SHOX: variants seen among roughly 807,000 people sequenced by gnomAD.
SHOX encodes the protein short stature homeobox protein.
SHOX carries 12 observed loss-of-function variants against 29.6 expected under a neutral mutation model. The ratio of observed to expected loss-of-function variants is 0.41; its 90% CI spans 0.26 to 0.66. The LOEUF (loss-of-function observed/expected upper bound fraction) is 0.66. SHOX is among the 30% of genes least tolerant of loss of function. The probability of loss-of-function intolerance (pLI) is 0.35; values close to 1 mark genes in which losing one functional copy is unlikely to be tolerated. For missense variants in SHOX, 499 were observed against 437.7 expected (o/e 1.14, Z -1.25); for synonymous variants, 214 against 200.6 (o/e 1.07, Z -0.57).
chrX:642,434 G>C (rs997930965), intron 4 of SHOX, among the ~76,000 whole-genome samples: 1 of 152,076 alleles, frequency 6.6e-6, no homozygotes, highest in African/African-American at 2.4e-5. Context: ...GCGGTGGGGA[G>C]CGCGGAAGGT....
chrX:631,146 A>C lies in SHOX; in HGVS notation c.249A>C (p.Lys83Asn). 6.2e-7 allele frequency: 1 copy of C among 1,613,262 alleles called. No homozygotes were observed. The highest frequency in any genetic ancestry group is 8.5e-7 in the Non-Finnish European group (1 of 1,179,854). The change falls in exon 1 of 5, where the codon AAA (lysine) becomes AAC (asparagine). Residue 83 changes from lysine (K) to asparagine (N), a missense_variant. Lys to Asn is a moderately conservative substitution (Grantham distance 94, BLOSUM62 0). Transcript: ENST00000686671. ...TAGACAATGACAAGGAGAAACTGAA[A>C]GAATTCGGCACCGCGAGAGTGGCAG... Reference protein sequence around the residue: ...DHVDNDKEKLKEFGTARVAEG... With the variant: ...DHVDNDKEKLNEFGTARVAEG...
In SHOX at chrX:650,290, G is replaced by C. The variant is rs2053034804; in HGVS notation, c.*5654G>C. On this transcript the variant is annotated 3_prime_UTR_variant, in exon 5 of 5. Transcript: ENST00000686671. ...TCTCCCGTACGGGAAGGAGGCCTTT[G>C]GGCCGCTCCAAAGACGCCCTGTCGT... Among the ~76,000 whole-genome samples, 1 of 152,154 alleles carries C rather than the reference G, an allele frequency of 6.6e-6. No individual in the cohort carries two copies. The highest frequency in any genetic ancestry group is 1.5e-5 in the Non-Finnish European group (1 of 68,034).
chrX:644,936 T>C lies in SHOX; in HGVS notation c.*300T>C. 1 of 413,868 alleles carries C rather than the reference T, an allele frequency of 2.4e-6. No individual in the cohort carries two copies. Among genetic ancestry groups the C allele is most frequent in the Non-Finnish European group, 4.2e-6 (1 of 236,198 alleles). 25.6% of individuals were successfully genotyped at this position (413,868 alleles called of 1,614,324 possible). On this transcript the variant is annotated 3_prime_UTR_variant, in exon 5 of 5. Coordinates refer to ENST00000686671, the MANE Select transcript of SHOX (RefSeq NM_000451.4). Reference sequence around the variant, plus strand: ...CCCTGGAGAAGGGTAAACCCCCGCCTGGCTGCGTCTTCCTCTGCTATACCC... The same window carrying C: ...CCCTGGAGAAGGGTAAACCCCCGCCCGGCTGCGTCTTCCTCTGCTATACCC...
intron 2 of SHOX, among the ~76,000 whole-genome samples, chrX:635,379 G>T (rs1034839418): frequency 3.9e-5 from 6 of 152,144 alleles, no homozygotes; most frequent in Admixed American, 6.5e-5. Context: ...GTTTCCTTAG[G>T]ATGAAAGGAG....
At chrX:625,667 TC>T (rs2052514768) in intron 1 of SHOX, among the ~76,000 whole-genome samples, 1 of 139,676 alleles carries the variant, frequency 7.2e-6, no homozygotes, top group African/African-American at 2.6e-5. Flanking sequence ...CTGTCTTCGT[TC>T]CTCTCTCTCT....
chrX:640,938 T>G, intron 3 of SHOX, 60 bp downstream of exon 3: 1 of 1,612,938 alleles, frequency 6.2e-7, no homozygotes, highest in Non-Finnish European at 8.5e-7. Context: ...AGGGATGGGG[T>G]CGACGAGGTG....
chrX:659,180 G>C (rs1163456481), exon 6 of SHOX: 2 of 151,270 alleles, frequency 1.3e-5, no homozygotes, highest in East Asian at 3.9e-4. Flanking sequence ...CAAACTCCTG[G>C]GCTCAAGCAA....
At chrX:643,054 T>G (rs2052887157) in intron 4 of SHOX, among the ~76,000 whole-genome samples, 1 of 141,630 alleles carries the variant, frequency 7.1e-6, no homozygotes, top group Non-Finnish European at 1.5e-5. Context: ...GGGAGGGCCT[T>G]GGGGATCTGG....
At chrX:633,987 GGTGCCCGACCGCGT>G in intron 1 of SHOX, among the ~76,000 whole-genome samples, 1 of 152,224 alleles carries the variant, frequency 6.6e-6, no homozygotes, top group Non-Finnish European at 1.5e-5. Context: ...TGGTGGGGTA[GGTGCCCGACCGCGT>G]GTGAAAAAGT....
At chrX:634,051 G>T in intron 1 of SHOX, among the ~76,000 whole-genome samples, 4 of 152,346 alleles carry the variant, frequency 2.6e-5, no homozygotes, top group Admixed American at 2.6e-4. Flanking sequence ...CAGCCCCCAG[G>T]CGCGGTGGCG....
intron 1 of SHOX, chrX:631,983 G>A (rs919223140): frequency 5.3e-5 from 24 of 455,994 alleles, no homozygotes; most frequent in African/African-American, 4.6e-4. Flanking sequence ...ACTCGAGGCT[G>A]CGTGGTAGGA....
downstream of SHOX, among the ~76,000 whole-genome samples, chrX:655,325 T>C (rs1158180404): frequency 6.6e-6 from 1 of 151,666 alleles, no homozygotes; most frequent in African/African-American, 2.4e-5. Context: ...GCCAGGATGG[T>C]CTTGATCTCT....
At chrX:635,857 GGAGAGAGA>G (rs369333132) in intron 2 of SHOX, among the ~76,000 whole-genome samples, 21 of 146,240 alleles carry the variant, frequency 1.4e-4, no homozygotes, top group South Asian at 4.5e-4. Flanking sequence ...GTGGGGGGAG[GGAGAGAGA>G]GAGAGAGAGA....
At chrX:630,031 G>A (rs1013132811), upstream of SHOX, among the ~76,000 whole-genome samples, 22 of 152,210 alleles carry the variant, frequency 1.4e-4, no homozygotes, top group Non-Finnish European at 2.9e-4. Flanking sequence ...TGGCGCGGGC[G>A]GAAAGAATAT....
chrX:633,277 C>T (rs965167339), intron 1 of SHOX, among the ~76,000 whole-genome samples: 8 of 152,100 alleles, frequency 5.3e-5, no homozygotes, highest in African/African-American at 1.9e-4. Flanking sequence ...TGTTTGAGGA[C>T]TTTGAAGACC....
At chrX:638,798 C>G (rs1358212275) in intron 2 of SHOX, among the ~76,000 whole-genome samples, 5 of 152,214 alleles carry the variant, frequency 3.3e-5, no homozygotes, top group Non-Finnish European at 1.5e-5. Context: ...GCCGAGGGAC[C>G]CAGCACGTGT....
downstream of SHOX, among the ~76,000 whole-genome samples, chrX:652,885 G>GACCAAGCTGT (rs2053087643): frequency 2.1e-5 from 1 of 47,964 alleles, no homozygotes; most frequent in African/African-American, 9.0e-5. Context: ...TCTCCAGCCT[G>GACCAAGCTGT]TTTTTTAGGG....
chrX:640,795 C>G, intron 2 of SHOX, 26 bp from the exon 3 acceptor site: 3 of 1,613,772 alleles, frequency 1.9e-6, no homozygotes, highest in Non-Finnish European at 2.5e-6. Context: ...CAGGGCTCTT[C>G]ACATCTCTCT....
upstream of SHOX, chrX:630,545 C>G (rs753229661): frequency 1.1e-4 from 47 of 435,272 alleles, no homozygotes; most frequent in Admixed American, 7.7e-4. Context: ...CCTGCGCCCC[C>G]CTCCTGCGCG....
Sources: allele counts gnomAD v4.1 joint callset (sites outside exome capture counted in the v4.1 genomes callset), GRCh38; gene constraint gnomAD v4.1.1; transcripts MANE v1.5; gene names NCBI Gene and HGNC (gene_info 2026-07-23, HGNC 2026-07-21).